Variants in SMARCA2 observed in about 807,000 individuals in gnomAD.
SMARCA2 encodes the protein SWI/SNF related BAF chromatin remodeling complex subunit ATPase 2.
Under a neutral mutation model 199.8 loss-of-function variants are expected in SMARCA2, and 61 were observed. The ratio of observed to expected loss-of-function variants is 0.31; its 90% CI spans 0.25 to 0.38. The LOEUF (loss-of-function observed/expected upper bound fraction) is 0.38, where lower values mean the gene tolerates loss of function less well. SMARCA2 is among the 10% of genes least tolerant of loss of function. The pLI, the probability that SMARCA2 is intolerant of heterozygous loss-of-function variation, is 1.00. For missense variants in SMARCA2, 1,344 were observed against 2,012.2 expected (o/e 0.67, Z 6.35); for synonymous variants, 935 against 732.0 (o/e 1.28, Z -4.48).
chr9:2,192,527 CAGCTT>C, intron 33 of SMARCA2, 172 bp from the exon 34 acceptor site: 1 of 642,110 alleles, frequency 1.6e-6, no homozygotes, highest in Non-Finnish European at 2.8e-6. Context: ...AAAAACTTCT[CAGCTT>C]AGAGACTGTC....
At chr9:2,078,626 T>A (rs1316474983) in intron 14 of SMARCA2, among the ~76,000 whole-genome samples, 1 of 152,086 alleles carries the variant, frequency 6.6e-6, no homozygotes, top group African/African-American at 2.4e-5. Flanking sequence ...CATGAGACAT[T>A]TGTTCTATGA....
At chr9:2,041,683 G>C (rs527326585) in intron 4 of SMARCA2, 42 of 326,194 alleles carry the variant, frequency 1.3e-4, no homozygotes, top group African/African-American at 8.9e-4. Context: ...CTACCATGGA[G>C]GCATTTGGTA....
chr9:2,168,289 G>T (rs1364558339), intron 28 of SMARCA2, among the ~76,000 whole-genome samples: 1 of 152,138 alleles, frequency 6.6e-6, no homozygotes, highest in East Asian at 1.9e-4. Context: ...GGGATTACAG[G>T]CGTGAGCCAC....
rs1240641816 is a variant in SMARCA2 at position 2,086,848 on chromosome 9, T to C, written c.2546T>C (p.Ile849Thr). The change falls in exon 18 of 34, where the codon ATA (isoleucine) becomes ACA (threonine). Residue 849 changes from isoleucine (I) to threonine (T), a missense_variant. Physicochemically the swap from Ile to Thr is moderately conservative, Grantham distance 89. This residue lies in a region of SMARCA2 where 19 missense variants were observed against 119.6 expected (regional missense o/e 0.16). Coordinates refer to ENST00000349721, the MANE Select transcript of SMARCA2 (RefSeq NM_003070.5). The surrounding 1 kb of genome is among the most constrained non-coding windows in gnomAD (Gnocchi z 4.3). ...ILAKIRWKYM[I>T]VDEGHRMKNH... is the part of the protein sequence containing the mutation. ...TTATAGATTCGGTGGAAATACATGA[T>C]AGTGGACGAAGGCCACCGAATGAAG... is the stretch of plus-strand genomic sequence containing the variant. The C allele has an allele frequency of 6.2e-7, 1 of 1,614,112 alleles. No homozygotes were observed. The highest frequency in any genetic ancestry group is 1.7e-5 in the Admixed American group (1 of 60,016).
intron 3 of SMARCA2, among the ~76,000 whole-genome samples, chr9:2,036,748 A>G (rs1258566425): frequency 1.3e-5 from 2 of 152,134 alleles, no homozygotes; most frequent in East Asian, 3.8e-4. Flanking sequence ...ATCAAATTTG[A>G]GGTAGGAATT....
intron 31 of SMARCA2, among the ~76,000 whole-genome samples, chr9:2,183,071 G>C (rs1413720294): frequency 6.6e-6 from 1 of 152,226 alleles, no homozygotes; most frequent in Non-Finnish European, 1.5e-5. Context: ...GATTACAGGT[G>C]TGCACCACTG....
chr9:2,149,774 G>C (rs545206518), intron 27 of SMARCA2, among the ~76,000 whole-genome samples: 1 of 151,524 alleles, frequency 6.6e-6, no homozygotes, highest in Non-Finnish European at 1.5e-5. Context: ...TCATTTTAAA[G>C]TTTATTGGAT....
intron 19 of SMARCA2, 104 bp from the exon 20 acceptor site, chr9:2,096,553 G>C (rs1396896108): frequency 4.1e-6 from 3 of 730,690 alleles, no homozygotes; most frequent in African/African-American, 3.5e-5. Context: ...AAGAGAAAGA[G>C]AGACACCTTT....
chr9:2,050,032 A>G (rs1468788546), intron 5 of SMARCA2, among the ~76,000 whole-genome samples: 1 of 152,226 alleles, frequency 6.6e-6, no homozygotes, highest in Non-Finnish European at 1.5e-5. Context: ...TACCTTGTCT[A>G]TGAAATTTGA....
intron 19 of SMARCA2, among the ~76,000 whole-genome samples, chr9:2,090,695 A>G (rs1406145261): frequency 3.9e-5 from 6 of 151,932 alleles, no homozygotes; most frequent in Non-Finnish European, 8.8e-5. Context: ...CCATTTTCCT[A>G]TTCTTGAAGC....
chr9:2,185,621 C>T (rs1586814040), intron 31 of SMARCA2, among the ~76,000 whole-genome samples: 1 of 152,126 alleles, frequency 6.6e-6, no homozygotes, highest in East Asian at 1.9e-4. Context: ...CTACCCAGGG[C>T]CATGCTCAGA....
chr9:2,182,623 T>G (rs1232034660), intron 31 of SMARCA2, among the ~76,000 whole-genome samples: 1 of 149,134 alleles, frequency 6.7e-6, no homozygotes, highest in Non-Finnish European at 1.5e-5. Context: ...GCCTCCCAAG[T>G]ACCTGGGATT....
Position 2,081,991 on chromosome 9 carries a change from C to G in SMARCA2, c.2344C>G (p.Leu782Val). Reference protein sequence around the residue: ...LNGPYLIIVPLSTLSNWTYEF... With the variant: ...LNGPYLIIVPVSTLSNWTYEF... ...TGGCCCCTATCTCATCATTGTTCCCCTTTCGTAAGTAAAGTCATTTATTCC... is the reference window on the plus strand; with the variant it reads ...TGGCCCCTATCTCATCATTGTTCCCGTTTCGTAAGTAAAGTCATTTATTCC... The change falls in exon 15 of 34, where the codon CTT (leucine) becomes GTT (valine). Residue 782 changes from leucine to valine, a missense_variant. By Grantham distance (32) the Leu-to-Val change is conservative. Around this residue, in one of 18 missense-constraint regions of SMARCA2, gnomAD observed 50 missense variants for 81.6 expected, o/e 0.61. Transcript: ENST00000349721. The G allele has an allele frequency of 6.2e-7, 1 of 1,612,458 alleles. No homozygotes were observed. Among genetic ancestry groups the G allele is most frequent in the Non-Finnish European group, 8.5e-7 (1 of 1,179,214 alleles).
At chr9:2,166,193 C>G (rs1825923702) in intron 28 of SMARCA2, among the ~76,000 whole-genome samples, 1 of 152,210 alleles carries the variant, frequency 6.6e-6, no homozygotes, top group African/African-American at 2.4e-5. Flanking sequence ...ACTTTGCTCT[C>G]TGAGTGATGC....
chr9:2,085,141 C>G, intron 17 of SMARCA2, among the ~76,000 whole-genome samples: 1 of 152,056 alleles, frequency 6.6e-6, no homozygotes, highest in East Asian at 1.9e-4. Flanking sequence ...AATGTGTTCC[C>G]AGGGGAGGTT....
chr9:2,114,097 C>T (rs1243222023), intron 24 of SMARCA2, among the ~76,000 whole-genome samples: 3 of 152,148 alleles, frequency 2.0e-5, no homozygotes, highest in African/African-American at 7.2e-5. Flanking sequence ...ACCTTGTCAT[C>T]TTGACTGCTG....
rs374164961 is a variant in SMARCA2 at position 2,123,965 on chromosome 9, C to A, written c.3981+28C>A. The A allele has an allele frequency of 6.5e-7, 1 of 1,532,702 alleles. No individual in the cohort carries two copies. 94.9% of individuals were successfully genotyped at this position (1,532,702 alleles called of 1,614,324 possible). A position where few individuals can be genotyped will look rare whatever the true frequency, so the allele number is the denominator to read the frequency against. The stretch of plus-strand genomic sequence containing the variant: ...AAGCCTAGCTTTTCTAACCCGCTCT[C>A]ACTAGGTGGAGGGTTTTTGGTGGCT... On this transcript the variant is annotated intron_variant, in intron 27 of 33. Coordinates refer to ENST00000349721, the MANE Select transcript of SMARCA2 (RefSeq NM_003070.5). The surrounding 1 kb of genome is among the most constrained non-coding windows in gnomAD (Gnocchi z 4.1).
intron 9 of SMARCA2, among the ~76,000 whole-genome samples, chr9:2,069,883 C>G (rs1271794305): frequency 6.6e-6 from 1 of 152,044 alleles, no homozygotes; most frequent in African/African-American, 2.4e-5. Context: ...ATCCTGTCAC[C>G]CAGGTGGAGA....
chr9:2,176,532 C>G (rs996229032), intron 29 of SMARCA2, among the ~76,000 whole-genome samples: 5 of 151,934 alleles, frequency 3.3e-5, no homozygotes, highest in Non-Finnish European at 5.9e-5. Context: ...ATCTGTAGTC[C>G]TTTATGACTA....
Sources: allele counts gnomAD v4.1 joint callset (sites outside exome capture counted in the v4.1 genomes callset), GRCh38; gene constraint gnomAD v4.1.1; regional missense constraint gnomAD v4.1.1; non-coding constraint Gnocchi (gnomAD v3.1); transcripts MANE v1.5; gene names NCBI Gene and HGNC (gene_info 2026-07-23, HGNC 2026-07-21).